Variants in FHIT observed in about 807,000 individuals in gnomAD.
FHIT encodes fragile histidine triad diadenosine triphosphatase.
In FHIT, 19 loss-of-function variants were observed where a neutral mutation model predicts 17.9. The ratio of observed to expected loss-of-function variants is 1.06; its 90% CI spans 0.74 to 1.56. FHIT has a LOEUF of 1.56. Ranked by LOEUF, FHIT falls within the 40% of genes most tolerant of loss-of-function variation. The probability of loss-of-function intolerance (pLI) is 0.00; values close to 1 mark genes in which losing one functional copy is unlikely to be tolerated. For synonymous variants in FHIT, 81 were observed against 69.7 expected (o/e 1.16, Z -0.81); for missense variants, 248 against 189.2 (o/e 1.31, Z -1.82).
intron 5 of FHIT, among the ~76,000 whole-genome samples, chr3:60,505,096 T>C (rs914003657): frequency 2.6e-5 from 4 of 152,102 alleles, no homozygotes; most frequent in Non-Finnish European, 5.9e-5. Flanking sequence ...CCTATTTAGA[T>C]CATGAGCTGT....
intron 8 of FHIT, among the ~76,000 whole-genome samples, chr3:59,795,383 CG>C (rs1699737370): frequency 1.1e-5 from 1 of 93,196 alleles, no homozygotes; most frequent in Admixed American, 1.2e-4. Context: ...GACCCTGTCT[CG>C]AAAAAAAAAA....
intron 3 of FHIT, among the ~76,000 whole-genome samples, chr3:60,984,396 C>G (rs1421298855): frequency 6.6e-6 from 1 of 152,146 alleles, no homozygotes; most frequent in Non-Finnish European, 1.5e-5. Context: ...TCATTCCACC[C>G]CCACCTACCA....
intron 2 of FHIT, among the ~76,000 whole-genome samples, chr3:61,196,107 C>A (rs1399033013): frequency 6.6e-6 from 1 of 151,948 alleles, no homozygotes; most frequent in African/African-American, 2.4e-5. Flanking sequence ...GATCAGAGAG[C>A]TATTGCTAAA....
intron 4 of FHIT, among the ~76,000 whole-genome samples, chr3:60,578,011 C>T (rs1182394441): frequency 6.6e-6 from 1 of 152,124 alleles, no homozygotes; most frequent in East Asian, 1.9e-4. Context: ...GTAGCTCCAG[C>T]CCAGCATCAT....
At chr3:59,804,150 G>A (rs548878435) in intron 8 of FHIT, among the ~76,000 whole-genome samples, 8 of 152,308 alleles carry the variant, frequency 5.3e-5, no homozygotes, top group Non-Finnish European at 1.0e-4. Flanking sequence ...GCGACCATCA[G>A]GTTATGTCCT....
chr3:60,707,170 T>C (rs556572718), intron 4 of FHIT, among the ~76,000 whole-genome samples: 46 of 152,190 alleles, frequency 3.0e-4, no homozygotes, highest in Non-Finnish European at 6.2e-4. Flanking sequence ...GTCCCTTTAG[T>C]AGCTCCAAAA....
chr3:60,485,234 A>T (rs2033785897), intron 5 of FHIT, among the ~76,000 whole-genome samples: 1 of 152,190 alleles, frequency 6.6e-6, no homozygotes, highest in African/African-American at 2.4e-5. Context: ...CCTCTGTGGG[A>T]AGACAGTATA....
chr3:59,757,641 G>A (rs1210582822), intron 8 of FHIT, among the ~76,000 whole-genome samples: 2 of 152,238 alleles, frequency 1.3e-5, no homozygotes, highest in East Asian at 1.9e-4. Context: ...GTCTTCAAAC[G>A]GGGGAAAACT....
intron 5 of FHIT, among the ~76,000 whole-genome samples, chr3:60,142,145 C>A (rs1160720526): frequency 6.6e-6 from 1 of 152,126 alleles, no homozygotes; most frequent in Non-Finnish European, 1.5e-5. Context: ...ACTAACTGGT[C>A]AAGAATGTAA....
chr3:61,074,585 G>A (rs1198755402), intron 2 of FHIT, among the ~76,000 whole-genome samples: 6 of 152,110 alleles, frequency 3.9e-5, no homozygotes, highest in Admixed American at 1.3e-4. Flanking sequence ...ATAACAAATG[G>A]CTGGGGCTGA....
intron 5 of FHIT, among the ~76,000 whole-genome samples, chr3:60,121,235 C>G (rs1024252963): frequency 1.3e-5 from 2 of 152,044 alleles, no homozygotes; most frequent in African/African-American, 4.8e-5. Flanking sequence ...TAGTAATTAT[C>G]TGTTACATAT....
intron 5 of FHIT, among the ~76,000 whole-genome samples, chr3:60,142,658 T>G (rs953676148): frequency 6.6e-6 from 1 of 151,626 alleles, no homozygotes; most frequent in Non-Finnish European, 1.5e-5. Context: ...CACACCACTA[T>G]GCCCGGCTAA....
At chr3:59,787,867 T>G (rs1047288074) in intron 8 of FHIT, among the ~76,000 whole-genome samples, 3 of 152,220 alleles carry the variant, frequency 2.0e-5, no homozygotes, top group African/African-American at 7.2e-5. Flanking sequence ...TGTTCTTACC[T>G]GCTATGTTAT....
At chr3:60,368,853 T>C (rs1254352682) in intron 5 of FHIT, among the ~76,000 whole-genome samples, 1 of 151,834 alleles carries the variant, frequency 6.6e-6, no homozygotes, top group African/African-American at 2.4e-5. Flanking sequence ...TTTCTTAGTC[T>C]TTTTTTTCCT....
intron 5 of FHIT, among the ~76,000 whole-genome samples, chr3:60,409,235 G>C (rs1245308708): frequency 6.6e-6 from 1 of 152,150 alleles, no homozygotes; most frequent in Non-Finnish European, 1.5e-5. Flanking sequence ...AGAGCATTTA[G>C]GGGTAAACTT....
chr3:60,364,920 T>C (rs1256797945), intron 5 of FHIT, among the ~76,000 whole-genome samples: 1 of 152,128 alleles, frequency 6.6e-6, no homozygotes. Flanking sequence ...TTGGGCCTAA[T>C]TAGATTAAAT....
intron 7 of FHIT, among the ~76,000 whole-genome samples, chr3:59,986,992 AT>A (rs1199927933): frequency 7.7e-6 from 1 of 129,130 alleles, no homozygotes; most frequent in African/African-American, 2.9e-5. Context: ...AATATTTTAT[AT>A]TTTATATATA....
At chr3:60,526,553 T>A (rs1363823516) in intron 5 of FHIT, among the ~76,000 whole-genome samples, 1 of 152,130 alleles carries the variant, frequency 6.6e-6, no homozygotes, top group Non-Finnish European at 1.5e-5. Flanking sequence ...AAAGTTGTTC[T>A]CATCTTTTTT....
intron 5 of FHIT, among the ~76,000 whole-genome samples, chr3:60,500,771 T>TAAAAAAAAAAAAAAAAA (rs71092606): frequency 4.2e-4 from 27 of 64,858 alleles, no homozygotes; most frequent in African/African-American, 1.7e-3. Context: ...AGCATCCATC[T>TAAAAAAAAAAAAAAAAA]AAAAAAAAAA....
Sources: allele counts gnomAD v4.1 joint callset (sites outside exome capture counted in the v4.1 genomes callset), GRCh38; gene constraint gnomAD v4.1.1; transcripts MANE v1.5; gene names NCBI Gene and HGNC (gene_info 2026-07-23, HGNC 2026-07-21).